C2orf76: variants seen among roughly 807,000 people sequenced by gnomAD.
The protein encoded by C2orf76 is UPF0538 protein C2orf76.
A neutral mutation model predicts 16.9 loss-of-function variants in C2orf76; 23 were observed. The observed-to-expected ratio is 1.36, with a 90% CI of 0.98 to 1.93. The LOEUF is 1.93. C2orf76 is among the 30% of genes most tolerant of loss of function. The pLI, the probability that C2orf76 is intolerant of heterozygous loss-of-function variation, is 0.00. For missense variants in C2orf76, 152 were observed against 152.6 expected (o/e 1.00, Z 0.02); for synonymous variants, 48 against 52.3 (o/e 0.92, Z 0.35).
rs140554334 is a variant in C2orf76 at position 119,359,941 on chromosome 2, G to A, written c.-13+6849C>T. The stretch of plus-strand genomic sequence containing the variant: ...AAAGTTCTGCTATTGATAAAATGCT[G>A]TCAAACAGCATCTCATGTTACAGAG... On this transcript the variant is annotated intron_variant, in intron 1 of 5. Transcript: ENST00000334816. 4.2e-4 allele frequency among the ~76,000 whole-genome samples: 64 copies of A among 152,334 alleles called. 1 individual carries two copies. The East Asian group carries it at 0.012, about 27-fold the overall frequency.
At chr2:119,306,813 A>G (rs1678803929) in intron 5 of C2orf76, among the ~76,000 whole-genome samples, 1 of 152,066 alleles carries the variant, frequency 6.6e-6, no homozygotes, top group South Asian at 2.1e-4. Flanking sequence ...TCAGGTGTAG[A>G]ATGTTCCACG....
chr2:119,328,084 C>A (rs1159342545), intron 2 of C2orf76, among the ~76,000 whole-genome samples: 1 of 151,606 alleles, frequency 6.6e-6, no homozygotes, highest in Non-Finnish European at 1.5e-5. Flanking sequence ...TGTTCTCAAA[C>A]TTCTGGCCTC....
chr2:119,338,194 T>C (rs1679912117), intron 2 of C2orf76, among the ~76,000 whole-genome samples: 1 of 152,170 alleles, frequency 6.6e-6, no homozygotes, highest in South Asian at 2.1e-4. Context: ...TTTTTTGAGC[T>C]AAAGGCAATT....
chr2:119,358,812 T>C (rs1396167296), intron 1 of C2orf76, among the ~76,000 whole-genome samples: 1 of 152,056 alleles, frequency 6.6e-6, no homozygotes, highest in East Asian at 1.9e-4. Context: ...GCAGTCTCCA[T>C]AACAAAAAAA....
chr2:119,353,563 T>TTC (rs1201230612), intron 1 of C2orf76, among the ~76,000 whole-genome samples: 30 of 149,710 alleles, frequency 2.0e-4, no homozygotes, highest in African/African-American at 6.9e-4. Context: ...TTTCTTTTTT[T>TTC]TTTTTTTTTT....
intron 1 of C2orf76, among the ~76,000 whole-genome samples, chr2:119,341,065 C>T (rs986427161): frequency 1.3e-5 from 2 of 152,096 alleles, no homozygotes; most frequent in African/African-American, 4.8e-5. Context: ...AGCAGTGACT[C>T]GCACACACCA....
chr2:119,351,602 A>C (rs992810546), intron 1 of C2orf76, among the ~76,000 whole-genome samples: 2 of 152,024 alleles, frequency 1.3e-5, no homozygotes, highest in African/African-American at 4.8e-5. Context: ...AAAAATACCA[A>C]AATTAGCTGG....
chr2:119,288,597 C>T, the C2orf76 span, among the ~76,000 whole-genome samples: 13 of 151,938 alleles, frequency 8.6e-5, no homozygotes, highest in African/African-American at 2.7e-4. Flanking sequence ...GAGAGGACAT[C>T]GAGGACAAGA....
At chr2:119,289,728 G>A in the C2orf76 span, among the ~76,000 whole-genome samples, 1 of 151,712 alleles carries the variant, frequency 6.6e-6, no homozygotes, top group African/African-American at 2.4e-5. Context: ...CAGGACTGGG[G>A]ACTGGAATTA....
chr2:119,311,559 A>G (rs1678988190), intron 5 of C2orf76, 63 bp downstream of exon 5: 3 of 1,573,708 alleles, frequency 1.9e-6, no homozygotes. Flanking sequence ...AAATACCATC[A>G]GCCAGGCCTC....
chr2:119,349,847 G>A lies in C2orf76; in HGVS notation c.-12-9876C>T, dbSNP rs539438959. On this transcript the variant is annotated intron_variant, in intron 1 of 5. Coordinates refer to ENST00000334816, the MANE Select transcript of C2orf76 (RefSeq NM_001322331.2). Reference sequence around the variant, plus strand: ...GTCTGGCCCACAAGCTCTTTAAAGGGAAAGAATGCTGTATGGTCCGTTTTT... The same window carrying A: ...GTCTGGCCCACAAGCTCTTTAAAGGAAAAGAATGCTGTATGGTCCGTTTTT... 2.6e-5 allele frequency among the ~76,000 whole-genome samples: 4 copies of A among 152,290 alleles called. No individual in the cohort carries two copies. In the South Asian group the frequency reaches 6.2e-4, roughly 24 times the overall value.
At chr2:119,282,492 T>C in the C2orf76 span, among the ~76,000 whole-genome samples, 1 of 152,234 alleles carries the variant, frequency 6.6e-6, no homozygotes, top group Admixed American at 6.5e-5. Context: ...CTCTTAATTT[T>C]CATGCATTTA....
At chr2:119,284,449 C>T in the C2orf76 span, among the ~76,000 whole-genome samples, 4 of 152,198 alleles carry the variant, frequency 2.6e-5, no homozygotes, top group African/African-American at 9.6e-5. Flanking sequence ...CAACCCAGAG[C>T]CCCTCCCTGC....
chr2:119,365,463 G>T (rs1164257201), intron 1 of C2orf76, among the ~76,000 whole-genome samples: 2 of 152,238 alleles, frequency 1.3e-5, no homozygotes, highest in Non-Finnish European at 2.9e-5. Context: ...CCCTAGATTT[G>T]TTCCCTATTG....
In C2orf76 at chr2:119,339,398, G is replaced by A. The variant is rs576856204; in HGVS notation, c.133+429C>T. Among the ~76,000 whole-genome samples, 9 of 152,158 alleles carry A rather than the reference G, an allele frequency of 5.9e-5. No homozygotes were observed. In the South Asian group the frequency reaches 1.7e-3, roughly 28 times the overall value. On this transcript the variant is annotated intron_variant, in intron 2 of 5. Coordinates refer to ENST00000334816, the MANE Select transcript of C2orf76 (RefSeq NM_001322331.2). ...GTGTCTGTGACCACAATTATCAGCA[G>A]CTCTCATGACTTCCTGCTGTACAGC...
At chr2:119,295,889 C>T in the C2orf76 span, among the ~76,000 whole-genome samples, 3 of 152,116 alleles carry the variant, frequency 2.0e-5, no homozygotes, top group African/African-American at 7.2e-5. Flanking sequence ...CAAATCACAC[C>T]GTCGAGCAGC....
intron 1 of C2orf76, among the ~76,000 whole-genome samples, chr2:119,355,879 A>C (rs1349150875): frequency 1.3e-5 from 2 of 152,204 alleles, no homozygotes; most frequent in African/African-American, 4.8e-5. Context: ...AATGACTGCA[A>C]AATACACATA....
At chr2:119,343,658 C>T (rs971124942) in intron 1 of C2orf76, among the ~76,000 whole-genome samples, 1 of 152,130 alleles carries the variant, frequency 6.6e-6, no homozygotes. Flanking sequence ...GTTAGCCGGG[C>T]GTGGTGGCAC....
chr2:119,351,987 A>C (rs1345517675), intron 1 of C2orf76, among the ~76,000 whole-genome samples: 1 of 152,228 alleles, frequency 6.6e-6, no homozygotes, highest in African/African-American at 2.4e-5. Context: ...TATATGCCTT[A>C]TGGTATTCGA....
Sources: allele counts gnomAD v4.1 joint callset (sites outside exome capture counted in the v4.1 genomes callset), GRCh38; gene constraint gnomAD v4.1.1; transcripts MANE v1.5; gene names NCBI Gene and HGNC (gene_info 2026-07-23, HGNC 2026-07-21).